The following PTPRA variants were observed in gnomAD, a reference collection of about 807,000 sequenced individuals.
PTPRA encodes protein tyrosine phosphatase receptor type A.
A neutral mutation model predicts 104.8 loss-of-function variants in PTPRA; 25 were observed. The observed-to-expected ratio is 0.24, with a 90% CI of 0.17 to 0.33. The LOEUF is 0.33. Ranked by LOEUF, PTPRA falls within the 10% of genes least tolerant of loss-of-function variation. The pLI is 1.00. For synonymous variants in PTPRA, 323 were observed against 368.9 expected (o/e 0.88, Z 1.43); for missense variants, 765 against 1,015.3 (o/e 0.75, Z 3.35).
intron 11 of PTPRA, among the ~76,000 whole-genome samples, chr20:3,010,635 AT>A (rs1370890499): frequency 5.3e-5 from 8 of 152,096 alleles, no homozygotes; most frequent in Non-Finnish European, 1.2e-4. Context: ...CTCAAAAAAA[AT>A]AAATAAATAA....
At chr20:2,924,973 C>T (rs1568655859) in intron 2 of PTPRA, among the ~76,000 whole-genome samples, 1 of 152,146 alleles carries the variant, frequency 6.6e-6, no homozygotes, top group Non-Finnish European at 1.5e-5. Context: ...GCCACCGCGC[C>T]CGGCCTGAAA....
chr20:3,005,860 C>A (rs1161902935), intron 10 of PTPRA, among the ~76,000 whole-genome samples: 1 of 152,094 alleles, frequency 6.6e-6, no homozygotes, highest in Non-Finnish European at 1.5e-5. Flanking sequence ...CATTGCTAAT[C>A]AGTTGATCCA....
Position 3,027,174 on chromosome 20 carries a change from T to G in PTPRA, c.1762T>G (p.Tyr588Asp). 1 of 1,614,150 alleles carries G rather than the reference T, an allele frequency of 6.2e-7. No individual in the cohort carries two copies. Among genetic ancestry groups the G allele is most frequent in the Non-Finnish European group, 8.5e-7 (1 of 1,179,978 alleles). The change falls in exon 19 of 24, where the codon TAT becomes GAT. Residue 588 changes from tyrosine to aspartate, a missense_variant. This residue lies in a region of PTPRA where 192 missense variants were observed against 227.0 expected (regional missense o/e 0.85). Transcript: ENST00000399903. Reference protein sequence around the residue: ...PVKRGEENTDYVNASFIDGYR... With the variant: ...PVKRGEENTDDVNASFIDGYR... ...TAAGCGGGGCGAAGAGAATACAGAC[T>G]ATGTGAACGCATCCTTTATTGATGT...
At chr20:2,886,749 G>A (rs1415941229) in intron 1 of PTPRA, among the ~76,000 whole-genome samples, 4 of 151,066 alleles carry the variant, frequency 2.6e-5, no homozygotes, top group African/African-American at 7.3e-5. Context: ...CCAGCTACTC[G>A]GGAGGCTGAG....
chr20:2,879,007 G>T (rs991202643), intron 1 of PTPRA, among the ~76,000 whole-genome samples: 1 of 152,200 alleles, frequency 6.6e-6, no homozygotes, highest in African/African-American at 2.4e-5. Flanking sequence ...TGTTCAGTTG[G>T]AAATACCAGG....
At chr20:2,879,119 A>G (rs1600044008) in intron 1 of PTPRA, among the ~76,000 whole-genome samples, 1 of 152,302 alleles carries the variant, frequency 6.6e-6, no homozygotes, top group African/African-American at 2.4e-5. Context: ...AAAATCACCT[A>G]TGGTAATTAT....
intron 2 of PTPRA, among the ~76,000 whole-genome samples, chr20:2,933,609 C>A (rs764786521): frequency 1.3e-5 from 2 of 151,760 alleles, no homozygotes; most frequent in African/African-American, 4.8e-5. Context: ...TACAGGCGCA[C>A]GCCACCACGC....
intron 6 of PTPRA, among the ~76,000 whole-genome samples, chr20:2,985,613 C>A (rs868174663): frequency 6.6e-6 from 1 of 151,942 alleles, no homozygotes; most frequent in Non-Finnish European, 1.5e-5. Flanking sequence ...GGAGCCAGGC[C>A]CTGTGGAATG....
At chr20:2,996,873 C>T (rs938945551) in intron 9 of PTPRA, among the ~76,000 whole-genome samples, 3 of 152,068 alleles carry the variant, frequency 2.0e-5, no homozygotes, top group African/African-American at 4.8e-5. Flanking sequence ...ATTGGTATTG[C>T]ATTGGAGGGA....
chr20:3,029,437 G>T (rs564922214), intron 20 of PTPRA, among the ~76,000 whole-genome samples: 1 of 151,180 alleles, frequency 6.6e-6, no homozygotes, highest in Non-Finnish European at 1.5e-5. Context: ...CACCTTGCCC[G>T]GCATTTTTTT....
At chr20:2,988,846 C>T (rs1169866223) in intron 9 of PTPRA, among the ~76,000 whole-genome samples, 2 of 152,210 alleles carry the variant, frequency 1.3e-5, no homozygotes, top group Non-Finnish European at 2.9e-5. Flanking sequence ...ACCTCACAAA[C>T]AAGAACAAAT....
At chr20:2,905,086 G>A (rs554840381) in intron 1 of PTPRA, among the ~76,000 whole-genome samples, 3 of 152,194 alleles carry the variant, frequency 2.0e-5, no homozygotes, top group African/African-American at 7.2e-5. Context: ...ATTTTCATAG[G>A]AGCACAAACC....
chr20:2,901,754 C>G (rs999277962), intron 1 of PTPRA, among the ~76,000 whole-genome samples: 1 of 152,018 alleles, frequency 6.6e-6, no homozygotes, highest in Non-Finnish European at 1.5e-5. Context: ...CTAGAGCATA[C>G]AGGATGTATG....
chr20:2,948,155 T>G, intron 3 of PTPRA, 131 bp downstream of exon 3: 1 of 390,526 alleles, frequency 2.6e-6, no homozygotes, highest in Non-Finnish European at 4.8e-6. Flanking sequence ...GTAAAGGATT[T>G]GCATTTTACT....
chr20:2,891,594 A>T (rs1429521996), intron 1 of PTPRA, among the ~76,000 whole-genome samples: 1 of 148,676 alleles, frequency 6.7e-6, no homozygotes, highest in Non-Finnish European at 1.5e-5. Flanking sequence ...ATATCTGTCA[A>T]GTCACTTATT....
rs748248015 is a variant in PTPRA, at chr20:3,035,933, G to A, written c.2190G>A (p.Val730=). Residue 730 remains valine, a synonymous_variant, in exon 22 of 24, where the codon GTG becomes GTA. Coordinates refer to ENST00000399903, the MANE Select transcript of PTPRA (RefSeq NM_001385305.1). This position sits in a 1 kb window ranked among gnomAD's most constrained non-coding sequence, Gnocchi z 5.8. ...AGTCAGGGAACCACCCCATCACCGT[G>A]CACTGCAGGTATGGCTCACCCTTGC... The part of the protein sequence containing the change: ...QQQSGNHPIT[V]HCSAGAGRTG... The A allele has an allele frequency of 6.2e-7, 1 of 1,613,568 alleles. No homozygotes were observed. Among genetic ancestry groups the A allele is most frequent in the South Asian group, 1.1e-5 (1 of 91,062 alleles).
intron 1 of PTPRA, among the ~76,000 whole-genome samples, chr20:2,874,999 C>A (rs2089620038): frequency 6.6e-6 from 1 of 152,120 alleles, no homozygotes; most frequent in African/African-American, 2.4e-5. Flanking sequence ...TTTTAAAGTT[C>A]TTCTCATTTG....
At chr20:2,965,888 A>G (rs2061927757) in intron 5 of PTPRA, among the ~76,000 whole-genome samples, 2 of 152,188 alleles carry the variant, frequency 1.3e-5, no homozygotes, top group South Asian at 4.1e-4. Context: ...TTTGAACCTT[A>G]GGTACCTTGT....
chr20:3,001,997 G>A (rs989822903), intron 9 of PTPRA, among the ~76,000 whole-genome samples: 1 of 152,052 alleles, frequency 6.6e-6, no homozygotes, highest in African/African-American at 2.4e-5. Flanking sequence ...AAATTAGCCA[G>A]GCATGGTGGT....
Sources: allele counts gnomAD v4.1 joint callset (sites outside exome capture counted in the v4.1 genomes callset), GRCh38; gene constraint gnomAD v4.1.1; regional missense constraint gnomAD v4.1.1; non-coding constraint Gnocchi (gnomAD v3.1); transcripts MANE v1.5; gene names NCBI Gene and HGNC (gene_info 2026-07-23, HGNC 2026-07-21).